ZNF367: variants seen among roughly 807,000 people sequenced by gnomAD.
The protein encoded by ZNF367 is zinc finger protein 367.
In ZNF367, 11 loss-of-function variants were observed where a neutral mutation model predicts 31.8. The ratio of observed to expected loss-of-function variants is 0.35; its 90% CI spans 0.22 to 0.57. The LOEUF (loss-of-function observed/expected upper bound fraction) is 0.57, where lower values mean the gene tolerates loss of function less well. Ranked by LOEUF, ZNF367 falls within the 20% of genes least tolerant of loss-of-function variation. The pLI, the probability that ZNF367 is intolerant of heterozygous loss-of-function variation, is 0.85. For missense variants in ZNF367, 353 were observed against 484.1 expected (o/e 0.73, Z 2.54); for synonymous variants, 199 against 202.4 (o/e 0.98, Z 0.14).
chr9:96,395,307 C>T (rs1392985490), intron 2 of ZNF367, among the ~76,000 whole-genome samples: 1 of 152,126 alleles, frequency 6.6e-6, no homozygotes, highest in Non-Finnish European at 1.5e-5. Context: ...TAGGATGAAC[C>T]CTCCGACAGC....
chr9:96,408,619 G>A (rs10990980), intron 1 of ZNF367, among the ~76,000 whole-genome samples: 27,134 of 152,114 alleles, frequency 0.18, 2,700 homozygotes, highest in African/African-American at 0.26. Flanking sequence ...AGAGAGGGGC[G>A]GGGGAAAGGC....
chr9:96,404,719 G>T (rs970434042), intron 1 of ZNF367, among the ~76,000 whole-genome samples: 1 of 151,796 alleles, frequency 6.6e-6, no homozygotes, highest in Admixed American at 6.6e-5. Context: ...TGGATTCTTA[G>T]ATATGGCACC....
chr9:96,417,856 G>A lies in ZNF367; in HGVS notation c.177C>T (p.Thr59=). ...EPEPPPPLIP[T]SPGFSDFMVY... ...CCATGAAGTCGCTGAAGCCGGGGCTGGTGGGGATGAGCGGCGGCGGCGGCT... is the reference window on the plus strand; with the variant it reads ...CCATGAAGTCGCTGAAGCCGGGGCTAGTGGGGATGAGCGGCGGCGGCGGCT... The change falls in exon 1 of 5, where the codon ACC becomes ACT. Residue 59 remains threonine (T), a synonymous_variant. Coordinates refer to ENST00000375256, the MANE Select transcript of ZNF367 (RefSeq NM_153695.4). This position sits in a 1 kb window ranked among gnomAD's most constrained non-coding sequence, Gnocchi z 5.0. The A allele has an allele frequency of 6.6e-7, 1 of 1,517,382 alleles. No homozygotes were observed. The highest frequency in any genetic ancestry group is 8.8e-7 in the Non-Finnish European group (1 of 1,141,078). The allele number at this position is 1,517,382 out of a possible 1,614,324, so 94.0% of individuals were successfully genotyped here.
intron 2 of ZNF367, 63 bp from the exon 3 acceptor site, chr9:96,395,005 G>C: frequency 6.3e-7 from 1 of 1,585,720 alleles, no homozygotes; most frequent in African/African-American, 1.3e-5. Flanking sequence ...AGGGGGATGG[G>C]GAGAGAATCA....
Position 96,388,276 on chromosome 9 carries a change from T to C in ZNF367, c.1014A>G (p.Ile338Met), listed in dbSNP as rs373690245. Reference sequence around the variant, plus strand: ...GCGCCCCAGTCAGGTTGGCAAGCTCTATGAGCGCGAGGGCTCCATGCAGGC... The same window carrying C: ...GCGCCCCAGTCAGGTTGGCAAGCTCCATGAGCGCGAGGGCTCCATGCAGGC... ...RERLHGALAL[I>M]ELANLTGAPL... The change falls in exon 5 of 5, where the codon ATA becomes ATG. Residue 338 changes from isoleucine to methionine, a missense_variant. Transcript: ENST00000375256. 8 of 1,611,538 alleles carry C rather than the reference T, an allele frequency of 5.0e-6. No homozygotes were observed. In the African/African-American group the frequency reaches 9.4e-5, roughly 19 times the overall value.
chr9:96,390,578 G>A (rs959661255), intron 4 of ZNF367, among the ~76,000 whole-genome samples: 3 of 152,138 alleles, frequency 2.0e-5, no homozygotes, highest in African/African-American at 7.2e-5. Flanking sequence ...CTTGGTCACT[G>A]AGTAGACAGC....
In ZNF367 at chr9:96,417,928, G is replaced by A; in HGVS notation, c.105C>T (p.Ile35=). Residue 35 remains isoleucine (I), a synonymous_variant, in exon 1 of 5, where the codon ATC becomes ATT. Transcript: ENST00000375256. This position sits in a 1 kb window ranked among gnomAD's most constrained non-coding sequence, Gnocchi z 5.0. ...DSPKRVLVSV[I]RTTPIKPTCG... ...ACGTTGGCTTGATCGGGGTCGTCCT[G>A]ATGACCGACACCAGCACCCGCTTCG... 6.6e-7 allele frequency: 1 copy of A among 1,517,302 alleles called. No individual in the cohort carries two copies. Among genetic ancestry groups the A allele is most frequent in the South Asian group, 1.2e-5 (1 of 82,144 alleles). 94.0% of individuals were successfully genotyped at this position (1,517,302 alleles called of 1,614,324 possible). A position where few individuals can be genotyped will look rare whatever the true frequency, so the allele number is the denominator to read the frequency against.
At chr9:96,411,189 A>C (rs1214961179) in intron 1 of ZNF367, among the ~76,000 whole-genome samples, 3 of 152,000 alleles carry the variant, frequency 2.0e-5, no homozygotes, top group African/African-American at 7.3e-5. Flanking sequence ...CAAAACAAAC[A>C]AACAAAAAAA....
At chr9:96,389,896 A>ATTTTTTT (rs777507011) in intron 4 of ZNF367, among the ~76,000 whole-genome samples, 1 of 94,052 alleles carries the variant, frequency 1.1e-5, no homozygotes, top group African/African-American at 4.5e-5. Flanking sequence ...TGCCTGGCTA[A>ATTTTTTT]TTTTTTTTTT....
intron 1 of ZNF367, among the ~76,000 whole-genome samples, chr9:96,415,724 C>T (rs1174257917): frequency 6.6e-6 from 1 of 151,840 alleles, no homozygotes; most frequent in Non-Finnish European, 1.5e-5. Context: ...TCTCGAACTC[C>T]TGGACCTCAG....
chr9:96,389,034 C>T (rs1054650145), intron 4 of ZNF367, among the ~76,000 whole-genome samples: 1 of 152,184 alleles, frequency 6.6e-6, no homozygotes, highest in Non-Finnish European at 1.5e-5. Context: ...CGCAGTGGCT[C>T]ACGCCTGTAA....
intron 2 of ZNF367, among the ~76,000 whole-genome samples, chr9:96,395,487 T>C (rs1028892022): frequency 1.3e-5 from 2 of 152,194 alleles, no homozygotes; most frequent in Admixed American, 6.5e-5. Flanking sequence ...AGATCGGCAC[T>C]CTAGGCAATC....
chr9:96,392,391 T>G lies in ZNF367; in HGVS notation c.830+7A>C. On this transcript the variant is annotated splice_region_variant and intron_variant, in intron 4 of 4. Transcript: ENST00000375256. ...CTTCACGGTGGACTAAAGGCAGCAT[T>G]CCTGACCTCGCCAGCCACTCGGCCG... 1 of 1,614,154 alleles carries G rather than the reference T, an allele frequency of 6.2e-7. No individual in the cohort carries two copies. The highest frequency in any genetic ancestry group is 1.1e-5 in the South Asian group (1 of 91,072).
At chr9:96,415,346 C>T (rs1283243706) in intron 1 of ZNF367, among the ~76,000 whole-genome samples, 1 of 151,350 alleles carries the variant, frequency 6.6e-6, no homozygotes, top group Non-Finnish European at 1.5e-5. Flanking sequence ...GGATTACAGG[C>T]GTGAGCCACC....
intron 1 of ZNF367, among the ~76,000 whole-genome samples, chr9:96,412,326 A>G (rs1831761659): frequency 6.6e-6 from 1 of 152,238 alleles, no homozygotes; most frequent in African/African-American, 2.4e-5. Flanking sequence ...AACAATCTCC[A>G]TACCTCTAGA....
intron 1 of ZNF367, among the ~76,000 whole-genome samples, chr9:96,406,227 C>T (rs1179090144): frequency 1.3e-5 from 2 of 152,162 alleles, no homozygotes; most frequent in Non-Finnish European, 2.9e-5. Flanking sequence ...GGATCATATA[C>T]AACTACTTCT....
chr9:96,396,136 A>G (rs1265509564), intron 2 of ZNF367, among the ~76,000 whole-genome samples: 1 of 152,188 alleles, frequency 6.6e-6, no homozygotes, highest in Non-Finnish European at 1.5e-5. Flanking sequence ...CTTGATGTAC[A>G]GACATCTAGG....
At chr9:96,395,083 G>A in intron 2 of ZNF367, 141 bp from the exon 3 acceptor site, 1 of 872,506 alleles carries the variant, frequency 1.1e-6, no homozygotes, top group South Asian at 2.0e-5. Flanking sequence ...GCTGCAGGTG[G>A]AAATGCTAAT....
intron 2 of ZNF367, among the ~76,000 whole-genome samples, chr9:96,395,470 T>TC (rs1831520636): frequency 6.6e-6 from 1 of 152,166 alleles, no homozygotes. Context: ...ACTTAAATGG[T>TC]CCTCTAAGAT....
Sources: gnomAD v4.1 joint callset for allele counts (sites outside exome capture counted in the v4.1 genomes callset) on GRCh38, gnomAD v4.1.1 for gene constraint, Gnocchi (gnomAD v3.1) non-coding constraint, MANE v1.5 for transcripts, NCBI Gene and HGNC (gene_info 2026-07-23, HGNC 2026-07-21) for gene names.